The following LRRC36 variants were observed in gnomAD, a reference collection of about 807,000 sequenced individuals.
The protein encoded by LRRC36 is leucine-rich repeat-containing protein 36.
In LRRC36, 62 loss-of-function variants were observed where a neutral mutation model predicts 81.1. The ratio of observed to expected loss-of-function variants is 0.76; its 90% CI spans 0.62 to 0.94. The LOEUF (loss-of-function observed/expected upper bound fraction) is 0.94, where lower values mean the gene tolerates loss of function less well. Among genes scored for constraint, LRRC36 ranks in the 40% least tolerant of loss-of-function variants. LRRC36 has a pLI of 0.00. For synonymous variants in LRRC36, 334 were observed against 348.6 expected (o/e 0.96, Z 0.47); for missense variants, 761 against 881.7 (o/e 0.86, Z 1.73).
At chr16:67,343,870 G>T (rs2038216308) in intron 2 of LRRC36, among the ~76,000 whole-genome samples, 1 of 151,882 alleles carries the variant, frequency 6.6e-6, no homozygotes, top group Admixed American at 6.6e-5. Context: ...AGGTTGGAGT[G>T]CAGTAGTGTG....
intron 9 of LRRC36, 63 bp from the exon 10 acceptor site, chr16:67,375,184 T>C: frequency 6.5e-7 from 1 of 1,528,910 alleles, no homozygotes; most frequent in East Asian, 2.2e-5. Flanking sequence ...TCCTTTATTG[T>C]GTAAGAATGA....
chr16:67,340,980 A>G lies in LRRC36; in HGVS notation c.71-977A>G, dbSNP rs993331440. ...GTACTACATATATTCTATAGAATAT[A>G]GAATATGTATATTATATATAGAATA... On this transcript the variant is annotated intron_variant, in intron 1 of 13. Coordinates refer to ENST00000329956, the MANE Select transcript of LRRC36 (RefSeq NM_018296.6). 1.1e-3 allele frequency among the ~76,000 whole-genome samples: 145 copies of G among 136,972 alleles called. 2 individuals are homozygous for G. Among genetic ancestry groups the G allele is most frequent in the Non-Finnish European group, 1.2e-3 (76 of 65,378 alleles). 89.9% of individuals were successfully genotyped at this position (136,972 alleles called of 152,430 possible).
At chr16:67,330,594 G>A (rs545680831) in intron 1 of LRRC36, among the ~76,000 whole-genome samples, 4 of 152,238 alleles carry the variant, frequency 2.6e-5, no homozygotes, top group East Asian at 1.9e-4. Context: ...GGGCATGGTC[G>A]TTCACGCCTG....
intron 5 of LRRC36, among the ~76,000 whole-genome samples, chr16:67,351,324 C>T (rs1376409421): frequency 6.6e-6 from 1 of 152,146 alleles, no homozygotes; most frequent in Non-Finnish European, 1.5e-5. Flanking sequence ...GTAGTTCAGA[C>T]ATTAAGCATT....
chr16:67,371,474 C>T, intron 9 of LRRC36: 3 of 555,840 alleles, frequency 5.4e-6, no homozygotes, highest in Non-Finnish European at 6.5e-6. Flanking sequence ...GAGAACTGTC[C>T]CTGATCTACT....
intron 1 of LRRC36, among the ~76,000 whole-genome samples, chr16:67,337,401 C>G (rs1182073512): frequency 7.2e-6 from 1 of 138,130 alleles, no homozygotes; most frequent in East Asian, 2.1e-4. Flanking sequence ...GAGTTTCACT[C>G]TTGTTGCCCA....
At chr16:67,376,627 C>T in intron 10 of LRRC36, 100 bp from the exon 11 acceptor site, 2 of 1,228,724 alleles carry the variant, frequency 1.6e-6, no homozygotes, top group Non-Finnish European at 2.3e-6. Flanking sequence ...GGAGATAATA[C>T]ATTAGCCTAT....
chr16:67,370,149 C>CA (rs1320467575), intron 8 of LRRC36, among the ~76,000 whole-genome samples: 1 of 151,972 alleles, frequency 6.6e-6, no homozygotes, highest in Admixed American at 6.6e-5. Flanking sequence ...AGAAGGAAGG[C>CA]AGAGAATTTA....
intron 1 of LRRC36, among the ~76,000 whole-genome samples, chr16:67,334,579 C>T (rs1245737962): frequency 6.6e-6 from 1 of 152,044 alleles, no homozygotes; most frequent in African/African-American, 2.4e-5. Context: ...CCTGCCCCAA[C>T]CTCCCAAAGT....
chr16:67,345,249 G>A (rs1401859180), intron 2 of LRRC36, among the ~76,000 whole-genome samples: 1 of 151,734 alleles, frequency 6.6e-6, no homozygotes, highest in African/African-American at 2.4e-5. Flanking sequence ...AGGAAGTCAG[G>A]GCTGCAGTGA....
intron 6 of LRRC36, among the ~76,000 whole-genome samples, chr16:67,364,709 ACTT>A (rs144713563): frequency 0.025 from 3,852 of 152,306 alleles, 85 homozygotes; most frequent in South Asian, 0.063. Flanking sequence ...AAACAAAAAA[ACTT>A]CTCTGAAATT....
At chr16:67,352,689 A>T (rs867260539) in intron 5 of LRRC36, among the ~76,000 whole-genome samples, 11 of 118,390 alleles carry the variant, frequency 9.3e-5, no homozygotes, top group African/African-American at 3.3e-4. Flanking sequence ...TTATTTATTT[A>T]TTTTTTGAGG....
rs951251792 is a variant in LRRC36 at position 67,370,494 on chromosome 16, T to C, written c.1196-450T>C. Reference sequence around the variant, plus strand: ...CCATCTCTACTAAAAATACAAAAATTAGCTGGGCATGGTGGGTAGACCCAG... The same window carrying C: ...CCATCTCTACTAAAAATACAAAAATCAGCTGGGCATGGTGGGTAGACCCAG... On this transcript the variant is annotated intron_variant, in intron 8 of 13. Coordinates refer to ENST00000329956, the MANE Select transcript of LRRC36 (RefSeq NM_018296.6). 4.0e-5 allele frequency among the ~76,000 whole-genome samples: 6 copies of C among 151,822 alleles called. No individual in the cohort carries two copies. The South Asian group carries it at 6.3e-4, about 16-fold the overall frequency.
chr16:67,365,295 T>A lies in LRRC36; in HGVS notation c.703-9T>A. 1 of 1,605,792 alleles carries A rather than the reference T, an allele frequency of 6.2e-7. No homozygotes were observed. Among genetic ancestry groups the A allele is most frequent in the South Asian group, 1.1e-5 (1 of 90,168 alleles). ...CTTCCTTCTACCTAAACTTTCGAAC[T>A]TTTTTTAGACACAGGAAGTAGCAAG... On this transcript the variant is annotated splice_polypyrimidine_tract_variant and intron_variant, in intron 6 of 13. Coordinates refer to ENST00000329956, the MANE Select transcript of LRRC36 (RefSeq NM_018296.6).
Position 67,382,187 on chromosome 16 carries a change from A to C in LRRC36, c.1985A>C (p.Gln662Pro), listed in dbSNP as rs1315909447. The C allele has an allele frequency of 1.9e-6, 3 of 1,614,234 alleles. No homozygotes were observed. The highest frequency in any genetic ancestry group is 2.5e-6 in the Non-Finnish European group (3 of 1,180,042). ...ACCATGCAGGTGGCTTGCCTGAACCAGGAGCTTGCCCAGCTGAAAAAGCTG... is the reference window on the plus strand; with the variant it reads ...ACCATGCAGGTGGCTTGCCTGAACCCGGAGCTTGCCCAGCTGAAAAAGCTG... Reference protein sequence around the residue: ...QLTMQVACLNQELAQLKKLEK... With the variant: ...QLTMQVACLNPELAQLKKLEK... Residue 662 changes from glutamine to proline, a missense_variant, in exon 13 of 14, where the codon CAG becomes CCG. By Grantham distance (76) the Gln-to-Pro change is moderately conservative (BLOSUM62 -1). Around this residue, in one of 3 missense-constraint regions of LRRC36, gnomAD observed 359 missense variants for 388.4 expected, o/e 0.92. Transcript: ENST00000329956.
chr16:67,379,512 T>C (rs764177461), intron 12 of LRRC36, among the ~76,000 whole-genome samples: 2 of 151,336 alleles, frequency 1.3e-5, no homozygotes, highest in Admixed American at 6.6e-5. Context: ...AGCTCAGGAG[T>C]TCAAGACCAG....
At chr16:67,339,316 T>G (rs886200611) in intron 1 of LRRC36, among the ~76,000 whole-genome samples, 1 of 151,988 alleles carries the variant, frequency 6.6e-6, no homozygotes, top group African/African-American at 2.4e-5. Flanking sequence ...AATAATTCTT[T>G]AAAAGTAGTT....
chr16:67,363,706 G>T lies in LRRC36; in HGVS notation c.694G>T (p.Gly232Trp). 1 of 1,613,722 alleles carries T rather than the reference G, an allele frequency of 6.2e-7. No individual in the cohort carries two copies. Among genetic ancestry groups the T allele is most frequent in the South Asian group, 1.1e-5 (1 of 91,044 alleles). The stretch of plus-strand genomic sequence containing the variant: ...TCAGAAATTAGACACCTTCCCACTG[G>T]GGACACAGGTAATGTATTCACTCTC... ...RDQKLDTFPLGTQTQEVARRE... is the reference protein window; with the variant it reads ...RDQKLDTFPLWTQTQEVARRE... Residue 232 changes from glycine (G) to tryptophan (W), a missense_variant, in exon 6 of 14, where the codon GGG becomes TGG. Around this residue, in one of 3 missense-constraint regions of LRRC36, gnomAD observed 263 missense variants for 279.3 expected, o/e 0.94. Coordinates refer to ENST00000329956, the MANE Select transcript of LRRC36 (RefSeq NM_018296.6).
At chr16:67,342,394 C>T (rs1236915544) in intron 2 of LRRC36, among the ~76,000 whole-genome samples, 2 of 152,154 alleles carry the variant, frequency 1.3e-5, no homozygotes, top group East Asian at 1.9e-4. Context: ...TACAGATTCT[C>T]AGTCCCTACT....
Sources: gnomAD v4.1 joint callset for allele counts (sites outside exome capture counted in the v4.1 genomes callset) on GRCh38, gnomAD v4.1.1 for gene constraint, gnomAD v4.1.1 regional missense constraint, MANE v1.5 for transcripts, NCBI Gene and HGNC (gene_info 2026-07-23, HGNC 2026-07-21) for gene names.